Variants in ATRNL1 observed in about 807,000 individuals in gnomAD.
The protein encoded by ATRNL1 is attractin like 1, also known as attractin-like protein 1.
Under a neutral mutation model 182.7 loss-of-function variants are expected in ATRNL1, and 95 were observed. The ratio of observed to expected loss-of-function variants is 0.52; its 90% confidence interval spans 0.44 to 0.62. ATRNL1 has a LOEUF of 0.62. Ranked by LOEUF, ATRNL1 falls within the 20% of genes least tolerant of loss-of-function variation. The pLI is 0.00. For missense variants in ATRNL1, 1,471 were observed against 1,679.5 expected (o/e 0.88, Z 2.17); for synonymous variants, 576 against 568.3 (o/e 1.01, Z -0.19).
At chr10:115,338,499 A>G (rs1341485110) in intron 19 of ATRNL1, among the ~76,000 whole-genome samples, 4 of 152,166 alleles carry the variant, frequency 2.6e-5, no homozygotes, top group Admixed American at 6.5e-5. Flanking sequence ...ACCTTTGCAT[A>G]TGCCTGTTTG....
At chr10:115,222,297 G>C (rs1369856245) in intron 9 of ATRNL1, among the ~76,000 whole-genome samples, 1 of 151,976 alleles carries the variant, frequency 6.6e-6, no homozygotes, top group African/African-American at 2.4e-5. Flanking sequence ...GACCAAAAAA[G>C]GACAGAAAGA....
At chr10:115,816,286 C>A (rs553565301) in intron 27 of ATRNL1, among the ~76,000 whole-genome samples, 32 of 152,216 alleles carry the variant, frequency 2.1e-4, no homozygotes, top group African/African-American at 6.3e-4. Context: ...TCACTAAGTT[C>A]TTTTGGCTGT....
At chr10:115,475,694 T>C (rs893434342) in intron 24 of ATRNL1, among the ~76,000 whole-genome samples, 1 of 151,386 alleles carries the variant, frequency 6.6e-6, no homozygotes, top group Non-Finnish European at 1.5e-5. Flanking sequence ...AACAAAACCT[T>C]ACCTATTGCA....
intron 8 of ATRNL1, among the ~76,000 whole-genome samples, chr10:115,200,264 A>G (rs537254234): frequency 1.3e-5 from 2 of 149,756 alleles, no homozygotes; most frequent in Non-Finnish European, 3.0e-5. Flanking sequence ...TTTAGGGTAC[A>G]TGTGCACAAT....
At position 115,546,890 on chromosome 10, in the gene ATRNL1, A is replaced by G. The variant is rs140537064; in HGVS notation, c.3717-2568A>G. Among the ~76,000 whole-genome samples the G allele has an allele frequency of 2.5e-4, 38 of 152,298 alleles. No homozygotes were observed. The East Asian group carries it at 7.3e-3, about 29-fold the overall frequency. On this transcript the variant is annotated intron_variant, in intron 25 of 28. Transcript: ENST00000355044. ...AAACCTGTATATTCTTTAAATATAT[A>G]AAGAAGTTTTAGCATACAGCAGACT...
intron 26 of ATRNL1, among the ~76,000 whole-genome samples, chr10:115,597,409 T>C (rs544655125): frequency 1.5e-4 from 23 of 152,268 alleles, no homozygotes; most frequent in African/African-American, 5.5e-4. Flanking sequence ...GATGACACAA[T>C]TTTAGAAAAT....
At chr10:115,230,917 G>GAA (rs1391893563) in intron 9 of ATRNL1, among the ~76,000 whole-genome samples, 3 of 138,322 alleles carry the variant, frequency 2.2e-5, no homozygotes, top group East Asian at 2.3e-4. Context: ...GAGAGAGAGA[G>GAA]AGAGAAAGAG....
chr10:115,726,178 C>T (rs1260744879), intron 26 of ATRNL1, among the ~76,000 whole-genome samples: 1 of 152,028 alleles, frequency 6.6e-6, no homozygotes, highest in Non-Finnish European at 1.5e-5. Flanking sequence ...TTATCATCTA[C>T]AAGGGAATTT....
intron 26 of ATRNL1, among the ~76,000 whole-genome samples, chr10:115,682,984 C>T (rs1053732069): frequency 2.0e-5 from 3 of 152,038 alleles, no homozygotes; most frequent in African/African-American, 7.2e-5. Flanking sequence ...CTCAGAGAGT[C>T]GAGTTCATCT....
chr10:115,299,130 T>C (rs1170209420), intron 15 of ATRNL1, among the ~76,000 whole-genome samples: 3 of 151,890 alleles, frequency 2.0e-5, no homozygotes, highest in Non-Finnish European at 4.4e-5. Context: ...TTTCACATTG[T>C]AATATAATAT....
At chr10:115,193,504 C>T (rs1217225237) in intron 8 of ATRNL1, among the ~76,000 whole-genome samples, 1 of 151,892 alleles carries the variant, frequency 6.6e-6, no homozygotes, top group Non-Finnish European at 1.5e-5. Context: ...TGTATTGGCA[C>T]TTTGTCTCCT....
chr10:115,317,333 C>T (rs1350681225), intron 18 of ATRNL1, among the ~76,000 whole-genome samples: 17 of 152,164 alleles, frequency 1.1e-4, no homozygotes, highest in African/African-American at 4.1e-4. Flanking sequence ...CATGATGTCT[C>T]CAGCTTTGTT....
At chr10:115,909,397 A>T (rs1415380564) in intron 28 of ATRNL1, 4 of 152,148 alleles carry the variant, frequency 2.6e-5, no homozygotes, top group African/African-American at 9.7e-5. Context: ...ATCAAGGCTA[A>T]GACAAAGCCC....
intron 26 of ATRNL1, among the ~76,000 whole-genome samples, chr10:115,586,953 T>C (rs1855550758): frequency 7.6e-6 from 1 of 131,112 alleles, no homozygotes; most frequent in Non-Finnish European, 1.7e-5. Context: ...CCTTTCTGTT[T>C]GTTAGTTTTC....
intron 20 of ATRNL1, among the ~76,000 whole-genome samples, chr10:115,403,276 T>TTTTTTTTTTTG (rs1554957418): frequency 7.1e-5 from 10 of 140,168 alleles, no homozygotes; most frequent in African/African-American, 2.5e-4. Flanking sequence ...TTTTTTTTTT[T>TTTTTTTTTTTG]AGTCTGCTAT....
intron 18 of ATRNL1, among the ~76,000 whole-genome samples, chr10:115,320,655 T>A (rs2134029024): frequency 6.6e-6 from 1 of 152,166 alleles, no homozygotes; most frequent in East Asian, 1.9e-4. Context: ...TTCAAACTCT[T>A]AGATTTTTTC....
At chr10:115,630,252 T>C (rs1458218043) in intron 26 of ATRNL1, among the ~76,000 whole-genome samples, 8 of 152,052 alleles carry the variant, frequency 5.3e-5, no homozygotes, top group African/African-American at 1.9e-4. Flanking sequence ...ACAATAGATA[T>C]ATGAAAAGGT....
chr10:115,479,716 G>T (rs1848679607), intron 24 of ATRNL1, among the ~76,000 whole-genome samples: 1 of 151,304 alleles, frequency 6.6e-6, no homozygotes, highest in South Asian at 2.1e-4. Context: ...TTGCATGTTT[G>T]TAATATGAGA....
At chr10:115,501,018 T>G (rs1379872280) in intron 24 of ATRNL1, among the ~76,000 whole-genome samples, 8 of 140,818 alleles carry the variant, frequency 5.7e-5, no homozygotes, top group African/African-American at 2.1e-4. Flanking sequence ...AACCTCTGCC[T>G]CCTGGATTCA....
Sources: allele counts gnomAD v4.1 joint callset (sites outside exome capture counted in the v4.1 genomes callset), GRCh38; gene constraint gnomAD v4.1.1; transcripts MANE v1.5; gene names NCBI Gene and HGNC (gene_info 2026-07-23, HGNC 2026-07-21).